Variants in CTNNA3 observed in about 807,000 individuals in gnomAD.
The protein encoded by CTNNA3 is catenin alpha-3.
A neutral mutation model predicts 95.7 loss-of-function variants in CTNNA3; 76 were observed. The observed-to-expected ratio is 0.79, with a 90% CI of 0.66 to 0.96. The LOEUF is 0.96. Among genes scored for constraint, CTNNA3 ranks in the 40% least tolerant of loss-of-function variants. CTNNA3 has a pLI of 0.00. For missense variants in CTNNA3, 1,191 were observed against 1,089.8 expected, an observed-to-expected ratio of 1.09 and a Z score of -1.31; for synonymous variants, 431 against 374.4, an observed-to-expected ratio of 1.15 and a Z score of -1.74.
intron 3 of CTNNA3, among the ~76,000 whole-genome samples, chr10:67,601,066 T>G (rs1036141397): frequency 5.3e-5 from 8 of 152,220 alleles, no homozygotes; most frequent in African/African-American, 1.9e-4. Flanking sequence ...TAATATTCTA[T>G]TTCTTGACGT....
At position 66,156,735 on chromosome 10, in the gene CTNNA3, A is replaced by G. The variant is rs2084527974; in HGVS notation, c.1885-53486T>C. ...GAATAGTAACTAGGCCTTTGTATCC[A>G]AAGTGTGGTTAATGAGGTGGAGACT... On this transcript the variant is annotated intron_variant, in intron 13 of 17. Coordinates refer to ENST00000433211, the MANE Select transcript of CTNNA3 (RefSeq NM_013266.4). Among the ~76,000 whole-genome samples the G allele has an allele frequency of 3.3e-5, 5 of 151,914 alleles. No individual in the cohort carries two copies. The South Asian group carries it at 1.0e-3, about 31-fold the overall frequency.
At chr10:66,469,479 T>C (rs748504350) in intron 11 of CTNNA3, among the ~76,000 whole-genome samples, 2 of 151,798 alleles carry the variant, frequency 1.3e-5, no homozygotes, top group African/African-American at 2.4e-5. Flanking sequence ...TAGTAGGATA[T>C]TGGACCCTGA....
intron 11 of CTNNA3, among the ~76,000 whole-genome samples, chr10:66,513,979 G>C (rs1355090449): frequency 1.4e-5 from 2 of 147,404 alleles, no homozygotes; most frequent in African/African-American, 2.5e-5. Flanking sequence ...GTGCACCTGT[G>C]ATGTGGAGAT....
intron 1 of CTNNA3, among the ~76,000 whole-genome samples, chr10:67,723,958 G>C (rs1841194162): frequency 6.6e-6 from 1 of 152,142 alleles, no homozygotes; most frequent in African/African-American, 2.4e-5. Flanking sequence ...ATGGGGACGA[G>C]GAGCTGGCAA....
At position 66,284,031 on chromosome 10, in the gene CTNNA3, A is replaced by G. The variant is rs183364595; in HGVS notation, c.1733-3410T>C. 2.6e-4 allele frequency among the ~76,000 whole-genome samples: 40 copies of G among 152,026 alleles called. 1 individual carries two copies. The highest frequency in any genetic ancestry group is 8.9e-4 in the African/African-American group (37 of 41,528). On this transcript the variant is annotated intron_variant, in intron 12 of 17. Transcript: ENST00000433211. Reference sequence around the variant, plus strand: ...GGATACCTTAAACACATCCATTCTAATCAATGGAAATGCCAGGTAGGATAA... The same window carrying G: ...GGATACCTTAAACACATCCATTCTAGTCAATGGAAATGCCAGGTAGGATAA...
At chr10:66,009,460 A>C (rs1415472583) in intron 15 of CTNNA3, among the ~76,000 whole-genome samples, 1 of 152,182 alleles carries the variant, frequency 6.6e-6, no homozygotes, top group East Asian at 1.9e-4. Context: ...ACTAAAGGAG[A>C]GTGTCAATGC....
intron 1 of CTNNA3, among the ~76,000 whole-genome samples, chr10:67,674,671 A>T (rs1380432436): frequency 6.6e-6 from 1 of 152,112 alleles, no homozygotes; most frequent in Non-Finnish European, 1.5e-5. Flanking sequence ...TATTGTTTTG[A>T]TTTGCACTTC....
At chr10:67,576,319 T>G (rs984664950) in intron 3 of CTNNA3, among the ~76,000 whole-genome samples, 1 of 152,086 alleles carries the variant, frequency 6.6e-6, no homozygotes, top group African/African-American at 2.4e-5. Flanking sequence ...CCTAAGTAAA[T>G]AGATGAATTA....
chr10:66,875,826 T>C (rs1049312886), intron 7 of CTNNA3, among the ~76,000 whole-genome samples: 14 of 152,272 alleles, frequency 9.2e-5, no homozygotes, highest in African/African-American at 3.1e-4. Flanking sequence ...GAGACCACTA[T>C]CATAGCTAAG....
intron 10 of CTNNA3, among the ~76,000 whole-genome samples, chr10:66,602,066 T>A (rs1843947075): frequency 6.6e-6 from 1 of 151,964 alleles, no homozygotes; most frequent in African/African-American, 2.4e-5. Flanking sequence ...TAATCTTGAT[T>A]GTAGTACAAG....
intron 10 of CTNNA3, among the ~76,000 whole-genome samples, chr10:66,533,238 G>C (rs751357210): frequency 1.4e-4 from 21 of 152,098 alleles, no homozygotes; most frequent in Non-Finnish European, 2.6e-4. Context: ...ATTTGTCTAT[G>C]CTTTTCTTTC....
At chr10:66,682,437 G>A (rs1169456006) in intron 9 of CTNNA3, among the ~76,000 whole-genome samples, 1 of 151,910 alleles carries the variant, frequency 6.6e-6, no homozygotes, top group Admixed American at 6.6e-5. Flanking sequence ...TGACCTGGAT[G>A]GCTACAGATT....
At chr10:66,862,831 T>C (rs538782156) in intron 7 of CTNNA3, among the ~76,000 whole-genome samples, 79 of 152,272 alleles carry the variant, frequency 5.2e-4, no homozygotes, top group African/African-American at 1.8e-3. Flanking sequence ...AATTGGTAGA[T>C]TGCATAAAGC....
chr10:66,405,625 A>G (rs1168573398), intron 11 of CTNNA3, among the ~76,000 whole-genome samples: 1 of 152,130 alleles, frequency 6.6e-6, no homozygotes, highest in Non-Finnish European at 1.5e-5. Flanking sequence ...CATCTCCTGA[A>G]CTTTTCCTCT....
intron 1 of CTNNA3, among the ~76,000 whole-genome samples, chr10:67,681,105 T>C (rs772286931): frequency 6.6e-6 from 1 of 152,190 alleles, no homozygotes; most frequent in African/African-American, 2.4e-5. Context: ...TATAGGCAAA[T>C]TGAACATTAC....
chr10:67,210,105 A>G (rs1477405933), intron 6 of CTNNA3, among the ~76,000 whole-genome samples: 1 of 152,126 alleles, frequency 6.6e-6, no homozygotes, highest in African/African-American at 2.4e-5. Flanking sequence ...CGGGAGATCG[A>G]CACCATCCTG....
intron 5 of CTNNA3, among the ~76,000 whole-genome samples, chr10:67,363,798 C>G (rs7904451): frequency 0.078 from 11,823 of 152,154 alleles, 721 homozygotes; most frequent in African/African-American, 0.17. Context: ...TCTGACTACA[C>G]CAATAACAGG....
intron 3 of CTNNA3, among the ~76,000 whole-genome samples, chr10:67,542,675 C>T (rs954234361): frequency 1.3e-5 from 2 of 151,904 alleles, no homozygotes; most frequent in East Asian, 3.9e-4. Context: ...CAGGCCTGTA[C>T]AAAGTACTAA....
At chr10:66,117,245 T>C (rs1220857871) in intron 13 of CTNNA3, among the ~76,000 whole-genome samples, 2 of 152,214 alleles carry the variant, frequency 1.3e-5, no homozygotes, top group African/African-American at 2.4e-5. Context: ...ATATTTTAAA[T>C]GTGCATTTTA....
Sources: allele counts gnomAD v4.1 joint callset (sites outside exome capture counted in the v4.1 genomes callset), GRCh38; gene constraint gnomAD v4.1.1; transcripts MANE v1.5; gene names NCBI Gene and HGNC (gene_info 2026-07-23, HGNC 2026-07-21).